Variants in WDR26 observed in about 807,000 individuals in gnomAD.
WDR26 encodes the protein WD repeat-containing protein 26.
WDR26 carries 5 observed loss-of-function variants against 84.1 expected under a neutral mutation model. The ratio of observed to expected loss-of-function variants is 0.06; its 90% CI spans 0.03 to 0.13. WDR26 has a LOEUF of 0.13. Ranked by LOEUF, WDR26 falls within the 10% of genes least tolerant of loss-of-function variation. The probability of loss-of-function intolerance (pLI) is 1.00; values close to 1 mark genes in which losing one functional copy is unlikely to be tolerated. For synonymous variants in WDR26, 415 were observed against 389.6 expected (o/e 1.07, Z -0.77); for missense variants, 642 against 974.9 (o/e 0.66, Z 4.55).
rs1203227288 is a variant in WDR26, at chr1:224,386,934, A to G, written c.*2901T>C. The stretch of plus-strand genomic sequence containing the variant: ...CTAACTCCCACTCCAATTCTTTACT[A>G]CCCACATACTAATCTCAGTAATCCC... On this transcript the variant is annotated 3_prime_UTR_variant, in exon 14 of 14. Transcript: ENST00000414423. 2.0e-5 allele frequency: 3 copies of G among 152,320 alleles called. No individual in the cohort carries two copies. Among genetic ancestry groups the G allele is most frequent in the African/African-American group, 7.2e-5 (3 of 41,444 alleles). 9.4% of individuals were successfully genotyped at this position (152,320 alleles called of 1,614,324 possible). A position where few individuals can be genotyped will look rare whatever the true frequency, so the allele number is the denominator to read the frequency against.
intron 6 of WDR26, 73 bp from the exon 7 acceptor site, chr1:224,411,638 C>A: frequency 7.0e-7 from 1 of 1,427,498 alleles, no homozygotes; most frequent in Non-Finnish European, 9.3e-7. Context: ...GGTTAAATAA[C>A]TGACAAAACT....
At position 224,415,453 on chromosome 1, in the gene WDR26, C is replaced by CTTTT. The variant is rs149995544; in HGVS notation, c.1319+2803_1319+2806dup. 6.6e-3 allele frequency among the ~76,000 whole-genome samples: 545 copies of CTTTT among 82,240 alleles called. 34 individuals carry two copies. The highest frequency in any genetic ancestry group is 0.021 in the African/African-American group (439 of 20,508). 54.0% of individuals were successfully genotyped at this position (82,240 alleles called of 152,430 possible). On this transcript the variant is annotated intron_variant, in intron 6 of 13. Transcript: ENST00000414423. ...ACAATTCTGGAACACGTATTTCTTT[C>CTTTT]TTTTTTTTTTTTTTTTTTTTTTTTT...
chr1:224,393,870 T>C lies in WDR26; in HGVS notation c.2218A>G (p.Ile740Val). The change falls in exon 13 of 14, where the codon ATA becomes GTA. Residue 740 changes from isoleucine to valine, a missense_variant. Physicochemically the swap from Ile to Val is conservative, Grantham distance 29. This residue lies in a region of WDR26 where 351 missense variants were observed against 672.8 expected (regional missense o/e 0.52). Transcript: ENST00000414423. ...TCTATAAAAGGTGCTGGTCCCCATA[T>C]TCTAACAGTGCCATCATCTGAGGCG... 6.3e-7 allele frequency: 1 copy of C among 1,580,672 alleles called. No individual in the cohort carries two copies. The highest frequency in any genetic ancestry group is 1.1e-5 in the South Asian group (1 of 88,356).
At chr1:224,402,676 G>C (rs1435684267) in intron 8 of WDR26, among the ~76,000 whole-genome samples, 1 of 152,176 alleles carries the variant, frequency 6.6e-6, no homozygotes, top group Admixed American at 6.5e-5. Flanking sequence ...TCCTTTGGAA[G>C]GTGGAAAGAA....
intron 4 of WDR26, among the ~76,000 whole-genome samples, chr1:224,420,877 C>T (rs919505275): frequency 2.0e-5 from 3 of 152,030 alleles, no homozygotes; most frequent in Non-Finnish European, 2.9e-5. Flanking sequence ...AGATTACAGG[C>T]GTGTGCCACC....
At chr1:224,407,028 A>T (rs1489358909) in intron 7 of WDR26, among the ~76,000 whole-genome samples, 1 of 147,324 alleles carries the variant, frequency 6.8e-6, no homozygotes, top group Non-Finnish European at 1.5e-5. Context: ...AGGCTGAGGC[A>T]GGAGAATTGC....
At chr1:224,397,852 A>G in intron 12 of WDR26, 1 of 464,812 alleles carries the variant, frequency 2.2e-6, no homozygotes, top group South Asian at 2.7e-5. Context: ...AATCCGTGAC[A>G]ATACATGACA....
chr1:224,423,819 G>T (rs1420625699), intron 4 of WDR26, among the ~76,000 whole-genome samples: 1 of 152,190 alleles, frequency 6.6e-6, no homozygotes, highest in Non-Finnish European at 1.5e-5. Context: ...CTAAATTTAA[G>T]AGCCACTGGT....
intron 7 of WDR26, among the ~76,000 whole-genome samples, chr1:224,407,151 A>AAAAAAGAATATATATATATATATAT: frequency 1.7e-4 from 2 of 11,868 alleles, no homozygotes; most frequent in Admixed American, 1.3e-3. Flanking sequence ...AAAAAAAAAA[A>AAAAAAGAATATATATATATATATAT]ATATATATAT....
intron 13 of WDR26, among the ~76,000 whole-genome samples, chr1:224,392,812 A>G (rs1673164005): frequency 6.6e-6 from 1 of 152,066 alleles, no homozygotes; most frequent in Non-Finnish European, 1.5e-5. Flanking sequence ...AAGTGTAGGG[A>G]ATATACTTTT....
At chr1:224,419,420 G>T in intron 5 of WDR26, 98 bp downstream of exon 5, 1 of 939,772 alleles carries the variant, frequency 1.1e-6, no homozygotes, top group Non-Finnish European at 1.7e-6. Flanking sequence ...CTCAATAAAA[G>T]TATGTCCAGA....
chr1:224,424,393 G>A (rs1674152546), intron 4 of WDR26, 125 bp downstream of exon 4: 24 of 1,269,848 alleles, frequency 1.9e-5, no homozygotes, highest in Non-Finnish European at 2.4e-5. Context: ...CCACACAGGA[G>A]TGAGTTTACC....
intron 7 of WDR26, among the ~76,000 whole-genome samples, chr1:224,409,343 A>C (rs941624155): frequency 6.6e-6 from 1 of 152,240 alleles, no homozygotes; most frequent in Admixed American, 6.5e-5. Context: ...TAATGAATAC[A>C]TAACATATAT....
chr1:224,400,408 T>C (rs1673380140), intron 9 of WDR26, among the ~76,000 whole-genome samples: 1 of 151,976 alleles, frequency 6.6e-6, no homozygotes, highest in South Asian at 2.1e-4. Flanking sequence ...TTTTTTGTTC[T>C]ACTAAATCCA....
chr1:224,416,323 G>A (rs184177730), intron 6 of WDR26, among the ~76,000 whole-genome samples: 3 of 152,054 alleles, frequency 2.0e-5, no homozygotes, highest in African/African-American at 7.2e-5. Context: ...CGCCTCCTGG[G>A]TTCACACCAT....
intron 7 of WDR26, among the ~76,000 whole-genome samples, chr1:224,407,258 T>C (rs1673607763): frequency 7.1e-6 from 1 of 140,682 alleles, no homozygotes; most frequent in Non-Finnish European, 1.5e-5. Flanking sequence ...TATATCTTCA[T>C]TAGCACAGTG....
At position 224,389,749 on chromosome 1, in the gene WDR26, A is replaced by T. The variant is rs1367495448; in HGVS notation, c.*86T>A. On this transcript the variant is annotated 3_prime_UTR_variant, in exon 14 of 14. Coordinates refer to ENST00000414423, the MANE Select transcript of WDR26 (RefSeq NM_001379403.1). ...TGACGAGCATGTCTGTCCAGCTATC[A>T]ATCATGTTTGTTTGCACCAAATCCC... The T allele has an allele frequency of 2.3e-6, 3 of 1,311,746 alleles. No individual in the cohort carries two copies. The highest frequency in any genetic ancestry group is 3.3e-6 in the Non-Finnish European group (3 of 908,042). 81.3% of individuals were successfully genotyped at this position (1,311,746 alleles called of 1,614,324 possible). A position where few individuals can be genotyped will look rare whatever the true frequency, so the allele number is the denominator to read the frequency against.
chr1:224,394,076 T>C (rs979388470), intron 12 of WDR26, 63 bp from the exon 13 acceptor site: 17 of 1,296,430 alleles, frequency 1.3e-5, no homozygotes, highest in Middle Eastern at 4.2e-4. Context: ...TGATCTTAAA[T>C]TTATCATTCA....
At position 224,385,798 on chromosome 1, in the gene WDR26, G is replaced by GT. The variant is rs1485515618; in HGVS notation, c.*4036dup. On this transcript the variant is annotated 3_prime_UTR_variant, in exon 14 of 14. Coordinates refer to ENST00000414423, the MANE Select transcript of WDR26 (RefSeq NM_001379403.1). ...GCACATTGACCCTGATAATGAAAATGTTTAAGTTAAAGATGGGGACACAAT... is the reference window on the plus strand; with the variant it reads ...GCACATTGACCCTGATAATGAAAATGTTTTAAGTTAAAGATGGGGACACAAT... The GT allele has an allele frequency of 1.3e-5, 2 of 152,548 alleles. No individual in the cohort carries two copies. Among genetic ancestry groups the GT allele is most frequent in the South Asian group, 2.1e-4 (1 of 4,826 alleles). The allele number at this position is 152,548 out of a possible 1,614,324, so 9.4% of individuals were successfully genotyped here.
Sources: allele counts gnomAD v4.1 joint callset (sites outside exome capture counted in the v4.1 genomes callset), GRCh38; gene constraint gnomAD v4.1.1; regional missense constraint gnomAD v4.1.1; transcripts MANE v1.5; gene names NCBI Gene and HGNC (gene_info 2026-07-23, HGNC 2026-07-21).